The following ATP2C1 variants were observed in gnomAD, a reference collection of about 807,000 sequenced individuals.
ATP2C1 encodes the protein calcium-transporting ATPase type 2C member 1.
A neutral mutation model predicts 120.5 loss-of-function variants in ATP2C1; 31 were observed. The observed-to-expected ratio is 0.26, with a 90% confidence interval of 0.19 to 0.35. ATP2C1 has a LOEUF of 0.35. Among genes scored for constraint, ATP2C1 ranks in the 10% least tolerant of loss-of-function variants. ATP2C1 has a pLI of 1.00. For missense variants in ATP2C1, 731 were observed against 1,107.5 expected (o/e 0.66, Z 4.83); for synonymous variants, 351 against 358.7 (o/e 0.98, Z 0.24).
At chr3:130,875,713 G>A (rs372867556) in intron 1 of ATP2C1, among the ~76,000 whole-genome samples, 16 of 152,192 alleles carry the variant, frequency 1.1e-4, no homozygotes, top group African/African-American at 3.9e-4. Flanking sequence ...TTTCCATAAC[G>A]GCTGTACAAA....
chr3:130,920,344 T>C (rs967353839), intron 2 of ATP2C1, among the ~76,000 whole-genome samples: 2 of 152,208 alleles, frequency 1.3e-5, no homozygotes, highest in African/African-American at 2.4e-5. Flanking sequence ...TCATTTTCAG[T>C]TGATTTTTGT....
At chr3:130,944,942 T>A (rs914841356) in intron 8 of ATP2C1, among the ~76,000 whole-genome samples, 1 of 152,236 alleles carries the variant, frequency 6.6e-6, no homozygotes, top group African/African-American at 2.4e-5. Context: ...TACTTATAAC[T>A]CCTAATAAAA....
chr3:130,949,467 T>C (rs536714663), intron 8 of ATP2C1, among the ~76,000 whole-genome samples: 1 of 152,164 alleles, frequency 6.6e-6, no homozygotes, highest in African/African-American at 2.4e-5. Context: ...GATTGGTTCG[T>C]GAGGTTTAAG....
intron 2 of ATP2C1, among the ~76,000 whole-genome samples, chr3:130,905,400 C>A (rs1006817283): frequency 1.3e-5 from 2 of 151,996 alleles, no homozygotes; most frequent in Admixed American, 1.3e-4. Context: ...ACTTCCTTCT[C>A]CAAAGGTGAG....
At chr3:130,856,196 G>A (rs1200940825) in intron 1 of ATP2C1, 5 of 152,238 alleles carry the variant, frequency 3.3e-5, no homozygotes, top group South Asian at 2.1e-4. Flanking sequence ...TAGTTGGAAC[G>A]GGATCACTGG....
chr3:130,963,613 C>A (rs2060924562), intron 12 of ATP2C1: 1 of 264,468 alleles, frequency 3.8e-6, no homozygotes, highest in Non-Finnish European at 7.4e-6. Flanking sequence ...CGTGAACATT[C>A]ATGTATGAGT....
chr3:130,964,613 A>G (rs1429029518), intron 13 of ATP2C1, among the ~76,000 whole-genome samples: 1 of 152,084 alleles, frequency 6.6e-6, no homozygotes, highest in Non-Finnish European at 1.5e-5. Context: ...TCCTGATTGA[A>G]GAAATTATAC....
Position 130,941,667 on chromosome 3 carries a change from G to T in ATP2C1, c.499G>T (p.Asp167Tyr). 1 of 1,614,044 alleles carries T rather than the reference G, an allele frequency of 6.2e-7. No homozygotes were observed. Among genetic ancestry groups the T allele is most frequent in the Non-Finnish European group, 8.5e-7 (1 of 1,179,986 alleles). ...TGATACAGTTTGCCTTTCTGTTGGG[G>T]ATAGAGTTCCTGCTGACTTACGCTT... ...PGDTVCLSVG[D>Y]RVPADLRLFE... The change falls in exon 8 of 28, where the codon GAT (aspartate) becomes TAT (tyrosine). Residue 167 changes from aspartate (D) to tyrosine (Y), a missense_variant. Physicochemically the swap from Asp to Tyr is radical, Grantham distance 160. Coordinates refer to ENST00000510168, the MANE Select transcript of ATP2C1 (RefSeq NM_001378687.1).
Position 130,894,455 on chromosome 3 carries a change from T to A in ATP2C1, c.-181+118T>A. 1 of 1,320,574 alleles carries A rather than the reference T, an allele frequency of 7.6e-7. No individual in the cohort carries two copies. Among genetic ancestry groups the A allele is most frequent in the African/African-American group, 1.5e-5 (1 of 67,062 alleles). 81.8% of individuals were successfully genotyped at this position (1,320,574 alleles called of 1,614,324 possible). ...TCTCTAGGGCGCCGCCCCGCTGGCG[T>A]GAGCTGGGGACGTTGCGGGCACACG... On this transcript the variant is annotated intron_variant, in intron 1 of 27. Coordinates refer to ENST00000510168, the MANE Select transcript of ATP2C1 (RefSeq NM_001378687.1). This position sits in a 1 kb window ranked among gnomAD's most constrained non-coding sequence, Gnocchi z 4.5.
At chr3:130,854,541 A>G (rs1475394837) in intron 1 of ATP2C1, among the ~76,000 whole-genome samples, 3 of 152,244 alleles carry the variant, frequency 2.0e-5, no homozygotes, top group Non-Finnish European at 4.4e-5. Flanking sequence ...GAGACTCAGC[A>G]GCCTGATCTG....
chr3:130,852,742 T>A (rs999986784), intron 1 of ATP2C1, among the ~76,000 whole-genome samples: 4 of 152,232 alleles, frequency 2.6e-5, no homozygotes, highest in Non-Finnish European at 5.9e-5. Context: ...AGGTTAATAA[T>A]GTCTACAATC....
chr3:130,872,587 CTT>C (rs565024538), intron 1 of ATP2C1, among the ~76,000 whole-genome samples: 13 of 140,752 alleles, frequency 9.2e-5, no homozygotes, highest in Admixed American at 2.2e-4. Flanking sequence ...CTTTTCTTTT[CTT>C]TTTTTTTTTT....
chr3:130,928,811 A>G (rs2059329212), intron 2 of ATP2C1, among the ~76,000 whole-genome samples: 1 of 152,178 alleles, frequency 6.6e-6, no homozygotes, highest in Non-Finnish European at 1.5e-5. Flanking sequence ...CAGGCAGTGT[A>G]AATATATTTG....
intron 14 of ATP2C1, 139 bp from the exon 15 acceptor site, chr3:130,967,006 C>A: frequency 1.4e-6 from 1 of 722,336 alleles, no homozygotes; most frequent in Admixed American, 2.1e-5. Flanking sequence ...AATTTTAATG[C>A]TTTTCTAGGT....
At chr3:130,964,395 T>A (rs2060960749) in intron 13 of ATP2C1, among the ~76,000 whole-genome samples, 1 of 152,034 alleles carries the variant, frequency 6.6e-6, no homozygotes, top group Admixed American at 6.6e-5. Context: ...TTGTGACATG[T>A]CAAAGAAGAT....
chr3:130,931,828 C>T (rs1318390451), intron 3 of ATP2C1, among the ~76,000 whole-genome samples, 194 bp from the exon 4 acceptor site: 1 of 152,090 alleles, frequency 6.6e-6, no homozygotes, highest in African/African-American at 2.4e-5. Context: ...CCCCATGTCC[C>T]TTTGTAATTA....
In ATP2C1 at chr3:130,918,275, A is replaced by G. The variant is rs150128861; in HGVS notation, c.7-12141A>G. ...GCCATAGCCAAATCCCTTGGGCCCAAAGTTCTTTGCATAGCACCCTTTACA... is the reference window on the plus strand; with the variant it reads ...GCCATAGCCAAATCCCTTGGGCCCAGAGTTCTTTGCATAGCACCCTTTACA... On this transcript the variant is annotated intron_variant, in intron 2 of 27. Coordinates refer to ENST00000510168, the MANE Select transcript of ATP2C1 (RefSeq NM_001378687.1). 2,182 of 1,547,484 alleles carry G rather than the reference A, an allele frequency of 1.4e-3. 19 individuals carry two copies. In the African/African-American group the frequency reaches 0.018, roughly 13 times the overall value.
Position 130,941,627 on chromosome 3 carries a change from A to G in ATP2C1, c.459A>G (p.Arg153=). 1 of 1,613,970 alleles carries G rather than the reference A, an allele frequency of 6.2e-7. No homozygotes were observed. The highest frequency in any genetic ancestry group is 1.6e-4 in the Middle Eastern group (1 of 6,062). The change falls in exon 8 of 28, where the codon CGA becomes CGG. Residue 153 remains arginine (R), a synonymous_variant. Transcript: ENST00000510168. ...GAAAATTGGAGCATACACTTGCCCG[A>G]GACTTGGTTCCAGGTGATACAGTTT... ...REGKLEHTLA[R]DLVPGDTVCL... is the part of the protein sequence containing the mutation.
At chr3:130,884,928 TTC>T (rs1418732018) in intron 1 of ATP2C1, among the ~76,000 whole-genome samples, 3 of 139,860 alleles carry the variant, frequency 2.1e-5, no homozygotes, top group Non-Finnish European at 4.7e-5. Context: ...TTTCTTTTCT[TTC>T]TTTTTTTTTT....
Sources: allele counts gnomAD v4.1 joint callset (sites outside exome capture counted in the v4.1 genomes callset), GRCh38; gene constraint gnomAD v4.1.1; non-coding constraint Gnocchi (gnomAD v3.1); transcripts MANE v1.5; gene names NCBI Gene and HGNC (gene_info 2026-07-23, HGNC 2026-07-21).